CD2AP: variants seen among roughly 807,000 people sequenced by gnomAD.
The protein encoded by CD2AP is CD2-associated protein.
A neutral mutation model predicts 85.1 loss-of-function variants in CD2AP; 46 were observed. The ratio of observed to expected loss-of-function variants is 0.54; its 90% CI spans 0.43 to 0.69. CD2AP has a LOEUF of 0.69. Among genes scored for constraint, CD2AP ranks in the 30% least tolerant of loss-of-function variants. The pLI is 0.00. For missense variants in CD2AP, 769 were observed against 729.5 expected (o/e 1.05, Z -0.62); for synonymous variants, 255 against 252.9 (o/e 1.01, Z -0.08).
chr6:47,596,385 T>C (rs1768947727), intron 12 of CD2AP, among the ~76,000 whole-genome samples: 1 of 152,110 alleles, frequency 6.6e-6, no homozygotes, highest in Admixed American at 6.6e-5. Flanking sequence ...TATCTAACCG[T>C]ATGTATTCCT....
intron 12 of CD2AP, among the ~76,000 whole-genome samples, chr6:47,598,191 G>T (rs959082999): frequency 6.6e-6 from 1 of 150,700 alleles, no homozygotes; most frequent in Admixed American, 6.6e-5. Flanking sequence ...AATCAAAACC[G>T]CAATGTGATA....
chr6:47,611,906 A>C (rs1769451301), intron 16 of CD2AP, among the ~76,000 whole-genome samples: 1 of 152,098 alleles, frequency 6.6e-6, no homozygotes, highest in African/African-American at 2.4e-5. Flanking sequence ...TATTCACTTA[A>C]AGCTATAGAA....
At chr6:47,560,985 A>T (rs1051077372) in intron 5 of CD2AP, among the ~76,000 whole-genome samples, 1 of 152,102 alleles carries the variant, frequency 6.6e-6, no homozygotes, top group African/African-American at 2.4e-5. Flanking sequence ...TCTCCGGTTT[A>T]TGTATTTATC....
intron 2 of CD2AP, among the ~76,000 whole-genome samples, chr6:47,512,106 C>T (rs1053940316): frequency 8.6e-5 from 13 of 151,930 alleles, no homozygotes; most frequent in African/African-American, 1.5e-4. Flanking sequence ...TGCAGTGAGC[C>T]GAGATCGCGC....
At chr6:47,613,358 A>C (rs1007500987) in intron 17 of CD2AP, among the ~76,000 whole-genome samples, 2 of 152,184 alleles carry the variant, frequency 1.3e-5, no homozygotes, top group Non-Finnish European at 2.9e-5. Context: ...ATAAGAATTG[A>C]AAGTCTAAAT....
chr6:47,524,851 T>TTC (rs1766681517), intron 2 of CD2AP, among the ~76,000 whole-genome samples: 2 of 151,328 alleles, frequency 1.3e-5, no homozygotes, highest in African/African-American at 2.4e-5. Context: ...TCAAAGTAGG[T>TTC]CTGCTATATC....
intron 17 of CD2AP, among the ~76,000 whole-genome samples, 194 bp from the exon 18 acceptor site, chr6:47,623,992 A>G (rs903343226): frequency 6.6e-6 from 1 of 152,084 alleles, no homozygotes; most frequent in African/African-American, 2.4e-5. Flanking sequence ...TTCTTATTGT[A>G]ACTGCCATTT....
chr6:47,567,084 G>A lies in CD2AP; in HGVS notation c.542-6980G>A, dbSNP rs1013920211. On this transcript the variant is annotated intron_variant, in intron 5 of 17. Coordinates refer to ENST00000359314, the MANE Select transcript of CD2AP (RefSeq NM_012120.3). ...AGAGTTTTGTTTTTCTGATTTCCCA[G>A]TTTTTTTTTTTTTAACTTTACTATG... Among the ~76,000 whole-genome samples, 3 of 145,818 alleles carry A rather than the reference G, an allele frequency of 2.1e-5. No individual in the cohort carries two copies. The South Asian group carries it at 6.5e-4, about 32-fold the overall frequency.
intron 3 of CD2AP, among the ~76,000 whole-genome samples, chr6:47,538,989 CTT>C (rs1767129179): frequency 6.6e-6 from 1 of 151,988 alleles, no homozygotes; most frequent in South Asian, 2.1e-4. Flanking sequence ...TTTTTGAACT[CTT>C]GTGTGTCAAA....
intron 11 of CD2AP, among the ~76,000 whole-genome samples, chr6:47,584,525 CA>C (rs377368839): frequency 4.6e-5 from 7 of 152,082 alleles, no homozygotes; most frequent in African/African-American, 1.7e-4. Context: ...CAAGGCCCTC[CA>C]GTAACTAACT....
chr6:47,579,355 T>G, intron 8 of CD2AP, 30 bp from the exon 9 acceptor site: 1 of 1,242,114 alleles, frequency 8.1e-7, no homozygotes, highest in Non-Finnish European at 1.2e-6. Flanking sequence ...AAAAGGTCTA[T>G]TGTCTTAATT....
chr6:47,573,531 C>T (rs560519332), intron 5 of CD2AP, among the ~76,000 whole-genome samples: 1 of 148,554 alleles, frequency 6.7e-6, no homozygotes, highest in South Asian at 2.2e-4. Flanking sequence ...CCCTGTCGCC[C>T]AGGCTGGAGT....
At position 47,527,751 on chromosome 6, in the gene CD2AP, CCAGAGA is replaced by C. The variant is rs1359924207; in HGVS notation, c.166-5850_166-5845del. On this transcript the variant is annotated intron_variant, in intron 2 of 17. Transcript: ENST00000359314. ...CTGCAGATTAGTTGTTTGTCCCCAA[CCAGAGA>C]AAGTACTAGATACTGCTTGTGCCAG... Among the ~76,000 whole-genome samples, 56 of 152,202 alleles carry C rather than the reference CCAGAGA, an allele frequency of 3.7e-4. 1 individual carries two copies. The East Asian group carries it at 9.5e-3, about 26-fold the overall frequency.
At chr6:47,567,087 T>C (rs1186000014) in intron 5 of CD2AP, among the ~76,000 whole-genome samples, 1 of 151,740 alleles carries the variant, frequency 6.6e-6, no homozygotes, top group Non-Finnish European at 1.5e-5. Context: ...TTTCCCAGTT[T>C]TTTTTTTTTT....
chr6:47,622,736 C>G (rs1419558039), intron 17 of CD2AP, among the ~76,000 whole-genome samples: 3 of 152,178 alleles, frequency 2.0e-5, no homozygotes, highest in African/African-American at 7.2e-5. Flanking sequence ...TTCAGAGGGT[C>G]TGTCGGTCCT....
chr6:47,513,551 T>C (rs914484198), intron 2 of CD2AP, among the ~76,000 whole-genome samples: 19 of 151,806 alleles, frequency 1.3e-4, no homozygotes, highest in Non-Finnish European at 1.9e-4. Context: ...TGTTTTTTTT[T>C]CTCCCAGAAT....
intron 2 of CD2AP, among the ~76,000 whole-genome samples, chr6:47,516,220 C>T (rs1766449731): frequency 1.3e-5 from 2 of 152,216 alleles, no homozygotes; most frequent in Admixed American, 1.3e-4. Context: ...TCCAGCTAGC[C>T]AAGTCACTGT....
At position 47,599,454 on chromosome 6, in the gene CD2AP, A is replaced by G. The variant is rs1190217397; in HGVS notation, c.1417+11A>G. On this transcript the variant is annotated intron_variant, in intron 13 of 17. Transcript: ENST00000359314. ...CCTCCAAAGAAACAGGTAAGTCAGCATGGACAGCGGTGGTGCATTTAAAAA... is the reference window on the plus strand; with the variant it reads ...CCTCCAAAGAAACAGGTAAGTCAGCGTGGACAGCGGTGGTGCATTTAAAAA... 2.5e-6 allele frequency: 4 copies of G among 1,610,930 alleles called. No individual in the cohort carries two copies. The highest frequency in any genetic ancestry group is 3.4e-6 in the Non-Finnish European group (4 of 1,178,024).
intron 11 of CD2AP, among the ~76,000 whole-genome samples, chr6:47,582,586 A>G (rs1768508866): frequency 6.6e-6 from 1 of 152,148 alleles, no homozygotes; most frequent in Admixed American, 6.5e-5. Context: ...AATGATTGTC[A>G]CTAGTAGATT....
Sources: allele counts gnomAD v4.1 joint callset (sites outside exome capture counted in the v4.1 genomes callset), GRCh38; gene constraint gnomAD v4.1.1; transcripts MANE v1.5; gene names NCBI Gene and HGNC (gene_info 2026-07-23, HGNC 2026-07-21).